OCA2: variants seen among roughly 807,000 people sequenced by gnomAD.
OCA2 encodes the protein OCA2 melanosomal transmembrane protein.
In OCA2, 77 loss-of-function variants were observed where a neutral mutation model predicts 100.2. The observed-to-expected ratio is 0.77, with a 90% CI of 0.64 to 0.93. The LOEUF (loss-of-function observed/expected upper bound fraction) is 0.93. OCA2 is among the 40% of genes least tolerant of loss of function. OCA2 has a pLI of 0.00. For missense variants in OCA2, 1,062 were observed against 1,089.1 expected, an observed-to-expected ratio of 0.98 and a Z score of 0.35; for synonymous variants, 432 against 439.2, an observed-to-expected ratio of 0.98 and a Z score of 0.21.
At chr15:28,093,033 G>T (rs1022509123) in intron 1 of OCA2, among the ~76,000 whole-genome samples, 4 of 152,090 alleles carry the variant, frequency 2.6e-5, no homozygotes, top group African/African-American at 9.7e-5. Context: ...TTTCACTAAG[G>T]AGGATATGCA....
chr15:28,079,037 G>C (rs184136214), intron 2 of OCA2, among the ~76,000 whole-genome samples: 1 of 152,136 alleles, frequency 6.6e-6, no homozygotes, highest in Non-Finnish European at 1.5e-5. Context: ...AACAGAAAAC[G>C]AGGCTACAAG....
At chr15:27,806,610 T>C (rs958176609) in intron 23 of OCA2, among the ~76,000 whole-genome samples, 1 of 152,248 alleles carries the variant, frequency 6.6e-6, no homozygotes, top group Non-Finnish European at 1.5e-5. Flanking sequence ...CGCCGTCCGC[T>C]GTGCGCTCTC....
chr15:27,895,904 C>G (rs190145075), intron 19 of OCA2: 1 of 599,642 alleles, frequency 1.7e-6, no homozygotes, highest in African/African-American at 1.8e-5. Flanking sequence ...TGCTTATGCC[C>G]GTACAGAAGG....
At chr15:27,894,437 A>T (rs998080975) in intron 19 of OCA2, among the ~76,000 whole-genome samples, 4 of 152,218 alleles carry the variant, frequency 2.6e-5, no homozygotes, top group Non-Finnish European at 5.9e-5. Context: ...GGACGAGTGG[A>T]AATACTGGAA....
At position 27,831,284 on chromosome 15, in the gene OCA2, C is replaced by CAAAAAAAAAAAAAAAA. The variant is rs71132824; in HGVS notation, c.2432+13659_2432+13674dup. Reference sequence around the variant, plus strand: ...CTGGTGACAGAGCGAGACTCCGTCTCAAAAAAAAAAAAAAAAAAAAAATCG... The same window carrying CAAAAAAAAAAAAAAAA: ...CTGGTGACAGAGCGAGACTCCGTCTCAAAAAAAAAAAAAAAAAAAAAAAAAAAAAAAAAAAAAATCG... On this transcript the variant is annotated intron_variant, in intron 23 of 23. Coordinates refer to ENST00000354638, the MANE Select transcript of OCA2 (RefSeq NM_000275.3). 6.4e-4 allele frequency among the ~76,000 whole-genome samples: 40 copies of CAAAAAAAAAAAAAAAA among 62,616 alleles called. 3 individuals are homozygous for CAAAAAAAAAAAAAAAA. Among genetic ancestry groups the CAAAAAAAAAAAAAAAA allele is most frequent in the East Asian group, 1.6e-3 (3 of 1,892 alleles). The allele number at this position is 62,616 out of a possible 152,430, so 41.1% of individuals were successfully genotyped here. A position where few individuals can be genotyped will look rare whatever the true frequency, so the allele number is the denominator to read the frequency against.
At chr15:27,747,972 T>C in the OCA2 span, among the ~76,000 whole-genome samples, 1 of 152,112 alleles carries the variant, frequency 6.6e-6, no homozygotes, top group African/African-American at 2.4e-5. Context: ...AGGAAAAATA[T>C]AGTGGTGGGG....
chr15:27,798,123 TATTA>T (rs1197374964), intron 23 of OCA2, among the ~76,000 whole-genome samples: 1 of 152,184 alleles, frequency 6.6e-6, no homozygotes, highest in Admixed American at 6.5e-5. Context: ...TTAAATTATT[TATTA>T]GTCAGGTTAA....
intron 22 of OCA2, among the ~76,000 whole-genome samples, chr15:27,849,103 C>T (rs1338450713): frequency 2.6e-5 from 4 of 151,266 alleles, no homozygotes; most frequent in Non-Finnish European, 5.9e-5. Flanking sequence ...CCACGTGCTG[C>T]CTGGATTGAT....
At chr15:27,760,515 T>G (rs906921209) in intron 23 of OCA2, among the ~76,000 whole-genome samples, 2 of 151,300 alleles carry the variant, frequency 1.3e-5, no homozygotes, top group South Asian at 2.1e-4. Context: ...GAAAAACCAA[T>G]GAAACAAAGC....
the OCA2 span, among the ~76,000 whole-genome samples, chr15:27,747,866 C>A: frequency 1.3e-4 from 20 of 152,188 alleles, no homozygotes; most frequent in Non-Finnish European, 2.9e-5. Flanking sequence ...TTGCTCCCCA[C>A]TCAGTACAAT....
intron 23 of OCA2, among the ~76,000 whole-genome samples, chr15:27,828,754 G>A (rs965772685): frequency 2.0e-5 from 3 of 152,208 alleles, no homozygotes; most frequent in Non-Finnish European, 4.4e-5. Context: ...CTGGGAAGAT[G>A]TGGCTTGGGG....
chr15:27,980,183 A>G (rs1419557371), intron 14 of OCA2, among the ~76,000 whole-genome samples: 3 of 151,496 alleles, frequency 2.0e-5, no homozygotes, highest in African/African-American at 4.8e-5. Context: ...GATGGAGTGC[A>G]GTGGCACGAT....
intron 18 of OCA2, among the ~76,000 whole-genome samples, chr15:27,946,847 G>A (rs2039856094): frequency 6.6e-6 from 1 of 152,154 alleles, no homozygotes; most frequent in Admixed American, 6.5e-5. Flanking sequence ...TTTTCCCTCT[G>A]CCTTTCTGTG....
chr15:28,028,136 CTG>C, intron 3 of OCA2, 77 bp from the exon 4 acceptor site: 1 of 1,536,478 alleles, frequency 6.5e-7, no homozygotes, highest in Non-Finnish European at 9.0e-7. Context: ...TGAGTTCTGA[CTG>C]TGTGAAATGG....
At chr15:27,820,378 C>T (rs1353609214) in intron 23 of OCA2, among the ~76,000 whole-genome samples, 2 of 152,170 alleles carry the variant, frequency 1.3e-5, no homozygotes, top group Non-Finnish European at 2.9e-5. Flanking sequence ...GCTGACAGCA[C>T]GCACTCTCCA....
intron 9 of OCA2, among the ~76,000 whole-genome samples, chr15:28,010,304 T>C (rs987543834): frequency 4.6e-5 from 7 of 152,226 alleles, no homozygotes; most frequent in Admixed American, 4.6e-4. Flanking sequence ...AAAGACTGAA[T>C]GCTTTCCCTT....
intron 21 of OCA2, among the ~76,000 whole-genome samples, chr15:27,862,338 T>A (rs1252674731): frequency 6.6e-6 from 1 of 152,140 alleles, no homozygotes; most frequent in Non-Finnish European, 1.5e-5. Flanking sequence ...GAAAGCATGG[T>A]CATCAGCCTC....
intron 23 of OCA2, among the ~76,000 whole-genome samples, chr15:27,783,284 G>C (rs2032638950): frequency 6.6e-6 from 1 of 152,266 alleles, no homozygotes; most frequent in South Asian, 2.1e-4. Context: ...AAAAAGACCA[G>C]GTCAGTTTTT....
chr15:28,070,039 C>G (rs1320015724), intron 2 of OCA2, among the ~76,000 whole-genome samples: 1 of 110,562 alleles, frequency 9.0e-6, no homozygotes, highest in Non-Finnish European at 1.6e-5. Context: ...ATGTGGGGAG[C>G]GCCTCTGCCC....
Sources: gnomAD v4.1 joint callset for allele counts (sites outside exome capture counted in the v4.1 genomes callset) on GRCh38, gnomAD v4.1.1 for gene constraint, MANE v1.5 for transcripts, NCBI Gene and HGNC (gene_info 2026-07-23, HGNC 2026-07-21) for gene names.